The following PLD5 variants were observed in gnomAD, a reference collection of about 807,000 sequenced individuals.
PLD5 encodes the protein inactive phospholipase D5.
A neutral mutation model predicts 61.1 loss-of-function variants in PLD5; 36 were observed. The observed-to-expected ratio is 0.59, with a 90% confidence interval of 0.45 to 0.78. PLD5 has a LOEUF of 0.78. Ranked by LOEUF, PLD5 falls within the 30% of genes least tolerant of loss-of-function variation. PLD5 has a pLI of 0.00. For missense variants in PLD5, 515 were observed against 644.4 expected (o/e 0.80, Z 2.17); for synonymous variants, 243 against 242.8 (o/e 1.00, Z -0.01).
At chr1:242,202,821 A>T (rs1479550904) in intron 5 of PLD5, among the ~76,000 whole-genome samples, 1 of 152,154 alleles carries the variant, frequency 6.6e-6, no homozygotes, top group African/African-American at 2.4e-5. Flanking sequence ...ATTAACCCGC[A>T]GTCAGGTGAC....
At chr1:242,290,344 A>G (rs1675284596) in intron 2 of PLD5, among the ~76,000 whole-genome samples, 1 of 150,924 alleles carries the variant, frequency 6.6e-6, no homozygotes, top group Non-Finnish European at 1.5e-5. Flanking sequence ...GAAGAGAAAG[A>G]TATTCTAGGA....
At chr1:242,418,875 G>C (rs1338994741) in intron 1 of PLD5, among the ~76,000 whole-genome samples, 1 of 152,206 alleles carries the variant, frequency 6.6e-6, no homozygotes, top group Non-Finnish European at 1.5e-5. Flanking sequence ...CTAGAGTCAT[G>C]TGGCAATGCC....
intron 7 of PLD5, among the ~76,000 whole-genome samples, chr1:242,112,864 A>G (rs540493644): frequency 4.1e-4 from 62 of 152,352 alleles, no homozygotes; most frequent in African/African-American, 1.5e-3. Context: ...TCCCAGCACG[A>G]AAGCAAAAGT....
rs147562733 is a variant in PLD5 at position 242,206,755 on chromosome 1, G to A, written c.735+13233C>T. ...ACATTGAATAAGCTCAGGAGGAGGA[G>A]GAAGAGGATGGGTTGGCATTCCTGC... On this transcript the variant is annotated intron_variant, in intron 5 of 9. Transcript: ENST00000536534. Among the ~76,000 whole-genome samples the A allele has an allele frequency of 6.6e-3, 1,007 of 152,320 alleles. 4 individuals are homozygous for A. The highest frequency in any genetic ancestry group is 0.013 in the South Asian group (63 of 4,824).
chr1:242,268,461 T>C (rs1673847653), intron 3 of PLD5, among the ~76,000 whole-genome samples: 2 of 152,200 alleles, frequency 1.3e-5, no homozygotes, highest in South Asian at 2.1e-4. Context: ...TGATTTCCAC[T>C]GTGTTATTTT....
intron 3 of PLD5, among the ~76,000 whole-genome samples, chr1:242,266,355 T>C (rs1449102780): frequency 6.6e-6 from 1 of 152,226 alleles, no homozygotes; most frequent in Admixed American, 6.5e-5. Flanking sequence ...CACTCCAGCC[T>C]GGGCGACAGA....
chr1:242,513,132 A>G (rs1427433926), intron 1 of PLD5, among the ~76,000 whole-genome samples: 1 of 152,148 alleles, frequency 6.6e-6, no homozygotes. Flanking sequence ...CTCCCAGTCC[A>G]GCCTCCCAAA....
Position 242,524,306 on chromosome 1 carries a change from C to A in PLD5, c.-30G>T. The stretch of plus-strand genomic sequence containing the variant: ...ACATGACCGGGCGGCCGCCGGCGAG[C>A]AGCGGACTCGGGACGGGCGCGCGGG... On this transcript the variant is annotated 5_prime_UTR_variant, in exon 1 of 10. Coordinates refer to ENST00000536534, the MANE Select transcript of PLD5 (RefSeq NM_001372062.1). The A allele has an allele frequency of 7.2e-7, 1 of 1,381,030 alleles. No individual in the cohort carries two copies. The highest frequency in any genetic ancestry group is 3.5e-5 in the Admixed American group (1 of 28,338). 85.5% of individuals were successfully genotyped at this position (1,381,030 alleles called of 1,614,324 possible).
intron 1 of PLD5, among the ~76,000 whole-genome samples, chr1:242,512,349 G>A (rs1388929602): frequency 6.6e-6 from 1 of 150,824 alleles, no homozygotes; most frequent in African/African-American, 2.4e-5. Context: ...GAACCTGAGA[G>A]GCAGAGCTTG....
At chr1:242,231,038 AAACT>A (rs763592951) in intron 4 of PLD5, among the ~76,000 whole-genome samples, 98 of 152,252 alleles carry the variant, frequency 6.4e-4, no homozygotes, top group Non-Finnish European at 1.3e-3. Context: ...CAAAAATAAT[AAACT>A]TACTTAAAAA....
At chr1:242,253,738 T>C (rs1672853550) in intron 4 of PLD5, among the ~76,000 whole-genome samples, 1 of 152,228 alleles carries the variant, frequency 6.6e-6, no homozygotes, top group South Asian at 2.1e-4. Flanking sequence ...AATATGCATA[T>C]AATTTCCTTG....
chr1:242,192,686 A>G (rs907298571), intron 5 of PLD5, among the ~76,000 whole-genome samples: 1 of 152,240 alleles, frequency 6.6e-6, no homozygotes, highest in African/African-American at 2.4e-5. Flanking sequence ...CAGAAGAGTT[A>G]GCGGAAGAGA....
chr1:242,429,223 G>A lies in PLD5; in HGVS notation c.190-80981C>T, dbSNP rs910323515. Among the ~76,000 whole-genome samples, 4 of 152,152 alleles carry A rather than the reference G, an allele frequency of 2.6e-5. 1 individual carries two copies. Among genetic ancestry groups the A allele is most frequent in the Admixed American group, 2.6e-4 (4 of 15,282 alleles). Reference sequence around the variant, plus strand: ...CCAAACAGAATTTCCCTGGATGTTGGTCCAACTTTAACATCTGCCAAAGAG... The same window carrying A: ...CCAAACAGAATTTCCCTGGATGTTGATCCAACTTTAACATCTGCCAAAGAG... On this transcript the variant is annotated intron_variant, in intron 1 of 9. Transcript: ENST00000536534.
chr1:242,154,252 G>A (rs1185344632), intron 5 of PLD5, among the ~76,000 whole-genome samples: 1 of 152,148 alleles, frequency 6.6e-6, no homozygotes, highest in Non-Finnish European at 1.5e-5. Context: ...GGGCTGAGAA[G>A]ATGGGGTTTT....
At chr1:242,407,128 T>C (rs977013127) in intron 1 of PLD5, among the ~76,000 whole-genome samples, 2 of 152,274 alleles carry the variant, frequency 1.3e-5, no homozygotes, top group African/African-American at 4.8e-5. Flanking sequence ...TTTCTCATGA[T>C]AGTGAGTAAG....
At chr1:242,158,939 A>G (rs748133331) in intron 5 of PLD5, among the ~76,000 whole-genome samples, 8 of 151,888 alleles carry the variant, frequency 5.3e-5, no homozygotes, top group Non-Finnish European at 8.8e-5. Flanking sequence ...ATCCTTTCTC[A>G]TATGTTTTAA....
At chr1:242,323,442 C>T (rs1031026872) in intron 2 of PLD5, among the ~76,000 whole-genome samples, 5 of 152,164 alleles carry the variant, frequency 3.3e-5, no homozygotes, top group African/African-American at 1.2e-4. Context: ...ATCCCAAAGG[C>T]TAATGTCTTG....
intron 1 of PLD5, among the ~76,000 whole-genome samples, chr1:242,376,112 G>T (rs1661937875): frequency 6.6e-6 from 1 of 152,168 alleles, no homozygotes; most frequent in Non-Finnish European, 1.5e-5. Context: ...TAGTAGTCCA[G>T]CCCTTTCGTT....
At chr1:242,492,650 G>A (rs1278659851) in intron 1 of PLD5, among the ~76,000 whole-genome samples, 1 of 152,042 alleles carries the variant, frequency 6.6e-6, no homozygotes, top group African/African-American at 2.4e-5. Flanking sequence ...ATGTGTCTTA[G>A]TCCAGGCTGC....
Sources: allele counts gnomAD v4.1 joint callset (sites outside exome capture counted in the v4.1 genomes callset), GRCh38; gene constraint gnomAD v4.1.1; transcripts MANE v1.5; gene names NCBI Gene and HGNC (gene_info 2026-07-23, HGNC 2026-07-21).